BMPR1A: variants seen among roughly 807,000 people sequenced by gnomAD.
BMPR1A encodes the protein bone morphogenetic protein receptor type-1A.
In BMPR1A, 7 loss-of-function variants were observed where a neutral mutation model predicts 66.0. The observed-to-expected ratio is 0.11, with a 90% CI of 0.06 to 0.20. The LOEUF (loss-of-function observed/expected upper bound fraction) is 0.20, where lower values mean the gene tolerates loss of function less well. BMPR1A is among the 10% of genes least tolerant of loss of function. BMPR1A has a pLI of 1.00. For missense variants in BMPR1A, 408 were observed against 669.1 expected, an observed-to-expected ratio of 0.61 and a Z score of 4.31; for synonymous variants, 200 against 229.7, an observed-to-expected ratio of 0.87 and a Z score of 1.17.
intron 1 of BMPR1A, among the ~76,000 whole-genome samples, chr10:86,758,795 C>T (rs1847923813): frequency 6.6e-6 from 1 of 152,184 alleles, no homozygotes; most frequent in Non-Finnish European, 1.5e-5. Context: ...TCACAAGGAA[C>T]TATAACCTAA....
At chr10:86,818,863 A>G (rs1390920544) in intron 1 of BMPR1A, among the ~76,000 whole-genome samples, 1 of 152,198 alleles carries the variant, frequency 6.6e-6, no homozygotes, top group African/African-American at 2.4e-5. Context: ...GAAATAGGAT[A>G]CAGTTTCCAA....
chr10:86,821,520 GC>G (rs1842120028), intron 1 of BMPR1A, among the ~76,000 whole-genome samples: 1 of 152,078 alleles, frequency 6.6e-6, no homozygotes, highest in African/African-American at 2.4e-5. Flanking sequence ...GGATTGCTCA[GC>G]TAGTGGGTAC....
chr10:86,865,243 A>C (rs377468837), intron 2 of BMPR1A, among the ~76,000 whole-genome samples: 294 of 152,264 alleles, frequency 1.9e-3, no homozygotes, highest in African/African-American at 6.6e-3. Context: ...CCACCACAAA[A>C]GAAGTGAAAA....
At chr10:86,860,769 CAAA>C (rs772036957) in intron 2 of BMPR1A, among the ~76,000 whole-genome samples, 4 of 79,690 alleles carry the variant, frequency 5.0e-5, no homozygotes, top group African/African-American at 9.2e-5. Context: ...GACTCCATAT[CAAA>C]AAAAAAAAAA....
At chr10:86,779,957 A>T (rs1964077010) in intron 1 of BMPR1A, among the ~76,000 whole-genome samples, 1 of 152,112 alleles carries the variant, frequency 6.6e-6, no homozygotes, top group Non-Finnish European at 1.5e-5. Context: ...CCAGGCCAGA[A>T]TGCAGTAGTG....
At chr10:86,844,568 A>G (rs1842461407) in intron 2 of BMPR1A, among the ~76,000 whole-genome samples, 3 of 152,234 alleles carry the variant, frequency 2.0e-5, no homozygotes, top group African/African-American at 7.2e-5. Flanking sequence ...TGCATTTATT[A>G]AAATTCTTAT....
At chr10:86,815,170 GA>G (rs1842019214) in intron 1 of BMPR1A, among the ~76,000 whole-genome samples, 2 of 152,106 alleles carry the variant, frequency 1.3e-5, no homozygotes, top group African/African-American at 4.8e-5. Flanking sequence ...TCATTTTCCT[GA>G]ATGTTTGGAA....
chr10:86,874,314 A>C (rs1458122655), intron 2 of BMPR1A, among the ~76,000 whole-genome samples: 1 of 152,284 alleles, frequency 6.6e-6, no homozygotes, highest in Non-Finnish European at 1.5e-5. Flanking sequence ...CCATATTAGA[A>C]GTTCAGTTTC....
At chr10:86,764,056 G>T (rs909375011) in intron 1 of BMPR1A, among the ~76,000 whole-genome samples, 8 of 152,174 alleles carry the variant, frequency 5.3e-5, no homozygotes, top group Non-Finnish European at 1.2e-4. Context: ...CTCCCAAAGT[G>T]CTGGGATTAC....
intron 7 of BMPR1A, 71 bp downstream of exon 7, chr10:86,900,197 A>G: frequency 6.9e-7 from 1 of 1,440,028 alleles, no homozygotes; most frequent in Non-Finnish European, 9.6e-7. Context: ...TTGTAAAGCC[A>G]GTTGCAGAAA....
chr10:86,833,548 G>T (rs992644850), intron 1 of BMPR1A, among the ~76,000 whole-genome samples: 1 of 152,134 alleles, frequency 6.6e-6, no homozygotes, highest in Non-Finnish European at 1.5e-5. Flanking sequence ...TTAAACTTCG[G>T]CAATTGGGCA....
At chr10:86,811,060 C>G (rs1423462528) in intron 1 of BMPR1A, among the ~76,000 whole-genome samples, 5 of 152,118 alleles carry the variant, frequency 3.3e-5, no homozygotes, top group African/African-American at 9.7e-5. Context: ...GTTTTTTGAG[C>G]CAGAGTATTG....
rs181036175 is a variant in BMPR1A, at chr10:86,826,429, C to A, written c.-267-12436C>A. Among the ~76,000 whole-genome samples the A allele has an allele frequency of 3.2e-3, 486 of 151,968 alleles. 5 individuals are homozygous for A. In the South Asian group the frequency reaches 0.034, roughly 11 times the overall value. On this transcript the variant is annotated intron_variant, in intron 1 of 12. Coordinates refer to ENST00000372037, the MANE Select transcript of BMPR1A (RefSeq NM_004329.3). ...TCAAGGAAACACACACACACACACA[C>A]ACACACACACACCCGCTTTTGGCTG...
chr10:86,919,177 A>G lies in BMPR1A; in HGVS notation c.874A>G (p.Ile292Val), dbSNP rs746800007. The G allele has an allele frequency of 1.2e-6, 2 of 1,613,892 alleles. No individual in the cohort carries two copies. Among genetic ancestry groups the G allele is most frequent in the Non-Finnish European group, 1.7e-6 (2 of 1,179,882 alleles). ...TAAACTCATCAACTGGACAGGTTTC[A>G]TAGCGGCAGACATTAAAGGTACAGG... ...LMRHENILGF[I>V]AADIKGTGSW... The change falls in exon 10 of 13, where the codon ATA (isoleucine) becomes GTA (valine). Residue 292 changes from isoleucine (I) to valine (V), a missense_variant. Physicochemically the swap from Ile to Val is conservative, Grantham distance 29 (BLOSUM62 3). This residue lies in a region of BMPR1A where 174 missense variants were observed against 265.1 expected (regional missense o/e 0.66). Coordinates refer to ENST00000372037, the MANE Select transcript of BMPR1A (RefSeq NM_004329.3).
rs183223414 is a variant in BMPR1A at position 86,831,854 on chromosome 10, A to G, written c.-267-7011A>G. 2.1e-3 allele frequency among the ~76,000 whole-genome samples: 324 copies of G among 152,246 alleles called. 4 individuals carry two copies. Among genetic ancestry groups the G allele is most frequent in the Non-Finnish European group, 1.1e-3 (74 of 68,020 alleles). On this transcript the variant is annotated intron_variant, in intron 1 of 12. Coordinates refer to ENST00000372037, the MANE Select transcript of BMPR1A (RefSeq NM_004329.3). ...ACCTACTTTTGGATTTTTCTCTTCA[A>G]TGCCATTTGTCATTAACTTATTTAG...
intron 1 of BMPR1A, among the ~76,000 whole-genome samples, chr10:86,814,070 A>C (rs1324711488): frequency 6.6e-6 from 1 of 151,978 alleles, no homozygotes; most frequent in Non-Finnish European, 1.5e-5. Context: ...CTAGATGCTC[A>C]AGTTTATTTT....
chr10:86,802,210 C>T (rs73348020), intron 1 of BMPR1A, among the ~76,000 whole-genome samples: 6,301 of 152,262 alleles, frequency 0.041, 163 homozygotes, highest in South Asian at 0.099. Context: ...TCTTTCAGCA[C>T]AGTCCAGATG....
chr10:86,918,534 G>T (rs1318826529), intron 9 of BMPR1A, among the ~76,000 whole-genome samples: 1 of 152,138 alleles, frequency 6.6e-6, no homozygotes, highest in Non-Finnish European at 1.5e-5. Flanking sequence ...TTGAAATTGA[G>T]AGCCTTTTCT....
chr10:86,852,827 ATTG>A (rs1160054618), intron 2 of BMPR1A, among the ~76,000 whole-genome samples: 1 of 152,186 alleles, frequency 6.6e-6, no homozygotes, highest in Non-Finnish European at 1.5e-5. Context: ...TGAGGAGGGT[ATTG>A]TTATTATGTG....
Sources: allele counts gnomAD v4.1 joint callset (sites outside exome capture counted in the v4.1 genomes callset), GRCh38; gene constraint gnomAD v4.1.1; regional missense constraint gnomAD v4.1.1; transcripts MANE v1.5; gene names NCBI Gene and HGNC (gene_info 2026-07-23, HGNC 2026-07-21).